Variants in SNX10 observed in about 807,000 individuals in gnomAD.
The protein encoded by SNX10 is sorting nexin-10.
Under a neutral mutation model 28.5 loss-of-function variants are expected in SNX10, and 25 were observed. That is an observed-to-expected ratio of 0.88 (90% CI 0.64 to 1.22). The LOEUF is 1.22. SNX10 is among the 50% of genes most tolerant of loss of function. The pLI, the probability that SNX10 is intolerant of heterozygous loss-of-function variation, is 0.00. For synonymous variants in SNX10, 62 were observed against 81.4 expected (o/e 0.76, Z 1.28); for missense variants, 223 against 242.6 (o/e 0.92, Z 0.54).
In SNX10 at chr7:26,372,975, T is replaced by A. The variant is rs1460961833; in HGVS notation, c.*403T>A. The stretch of plus-strand genomic sequence containing the variant: ...AGTGTTACCATAAACACGGTGTATA[T>A]GTTGTTAAACCCTATGAAGAGTAAC... On this transcript the variant is annotated 3_prime_UTR_variant, in exon 7 of 7. Coordinates refer to ENST00000338523, the MANE Select transcript of SNX10 (RefSeq NM_013322.3). 5.6e-6 allele frequency: 1 copy of A among 179,308 alleles called. No homozygotes were observed. Among genetic ancestry groups the A allele is most frequent in the South Asian group, 1.2e-4 (1 of 8,394 alleles). 11.1% of individuals were successfully genotyped at this position (179,308 alleles called of 1,614,324 possible). A position where few individuals can be genotyped will look rare whatever the true frequency, so the allele number is the denominator to read the frequency against.
intron 1 of SNX10, among the ~76,000 whole-genome samples, chr7:26,331,724 C>T (rs1419867483): frequency 6.6e-6 from 1 of 152,214 alleles, no homozygotes; most frequent in Non-Finnish European, 1.5e-5. Context: ...CAACTCTGTA[C>T]CTTTTGGCTG....
chr7:26,299,890 T>C (rs1562781345), intron 1 of SNX10, among the ~76,000 whole-genome samples: 1 of 151,996 alleles, frequency 6.6e-6, no homozygotes. Flanking sequence ...AGTGAGACCC[T>C]GTCTCTGTTT....
intron 3 of SNX10, among the ~76,000 whole-genome samples, chr7:26,362,236 T>C (rs1406680876): frequency 6.6e-6 from 1 of 152,218 alleles, no homozygotes; most frequent in Non-Finnish European, 1.5e-5. Context: ...ACACTAGAGT[T>C]GCATTCTGTG....
At chr7:26,309,512 C>G (rs66824314) in intron 1 of SNX10, among the ~76,000 whole-genome samples, 10,623 of 152,128 alleles carry the variant, frequency 0.07, 920 homozygotes, top group African/African-American at 0.2. Flanking sequence ...CTAACCAGGT[C>G]TGCCGAGTGA....
intron 1 of SNX10, among the ~76,000 whole-genome samples, chr7:26,321,497 G>C (rs911882218): frequency 6.6e-6 from 1 of 152,182 alleles, no homozygotes; most frequent in Non-Finnish European, 1.5e-5. Context: ...GAAGACTCCT[G>C]TTGGCTTTCT....
In SNX10 at chr7:26,342,091, A is replaced by T. The variant is rs1788207318; in HGVS notation, c.-23-4329A>T. On this transcript the variant is annotated intron_variant, in intron 1 of 6. Coordinates refer to ENST00000338523, the MANE Select transcript of SNX10 (RefSeq NM_013322.3). ...GCCCAGGCTGGAGTGCAGTGGCACG[A>T]TCTTGGCTCACTGCAACCTGCACCT... 2.1e-5 allele frequency among the ~76,000 whole-genome samples: 3 copies of T among 141,862 alleles called. No individual in the cohort carries two copies. The South Asian group carries it at 6.6e-4, about 31-fold the overall frequency. The allele number at this position is 141,862 out of a possible 152,430, so 93.1% of individuals were successfully genotyped here.
rs1787457774 is a variant in SNX10 at position 26,325,306 on chromosome 7, A to ATATATATATATATATATATATATATATAT, written c.-23-21114_-23-21113insTATATATATATATATATATATATATATAT. On this transcript the variant is annotated intron_variant, in intron 1 of 6. Transcript: ENST00000338523. ...AATTTTTTTCTACTGAAGTTTGCAA[A>ATATATATATATATATATATATATATATAT]ATATATATATATATATATATATTTG... Among the ~76,000 whole-genome samples the ATATATATATATATATATATATATATATAT allele has an allele frequency of 1.6e-3, 82 of 51,370 alleles. 7 individuals are homozygous for ATATATATATATATATATATATATATATAT. Among genetic ancestry groups the ATATATATATATATATATATATATATATAT allele is most frequent in the Middle Eastern group, 0.011 (1 of 90 alleles). 33.7% of individuals were successfully genotyped at this position (51,370 alleles called of 152,430 possible).
chr7:26,312,783 C>CA (rs950851451), intron 1 of SNX10, among the ~76,000 whole-genome samples: 3 of 150,940 alleles, frequency 2.0e-5, no homozygotes, highest in East Asian at 1.9e-4. Context: ...GACTCCGTCT[C>CA]AAAAAAAAGA....
chr7:26,372,672 A>T lies in SNX10; in HGVS notation c.*100A>T. The T allele has an allele frequency of 1.4e-6, 1 of 739,458 alleles. No individual in the cohort carries two copies. Among genetic ancestry groups the T allele is most frequent in the Non-Finnish European group, 2.4e-6 (1 of 416,686 alleles). The allele number at this position is 739,458 out of a possible 1,614,324, so 45.8% of individuals were successfully genotyped here. On this transcript the variant is annotated 3_prime_UTR_variant, in exon 7 of 7. Coordinates refer to ENST00000338523, the MANE Select transcript of SNX10 (RefSeq NM_013322.3). Reference sequence around the variant, plus strand: ...ACATTCTTACCTAAAGCTCACTGTCATGATGTTAGGTATTTAAATTCTTAA... The same window carrying T: ...ACATTCTTACCTAAAGCTCACTGTCTTGATGTTAGGTATTTAAATTCTTAA...
chr7:26,362,745 T>G (rs547638186), intron 3 of SNX10, among the ~76,000 whole-genome samples: 86 of 152,328 alleles, frequency 5.6e-4, no homozygotes, highest in African/African-American at 1.9e-3. Context: ...TTAACTTGTT[T>G]AAATTAACCT....
intron 2 of SNX10, among the ~76,000 whole-genome samples, chr7:26,357,917 C>A (rs747870408): frequency 3.3e-5 from 5 of 151,928 alleles, no homozygotes; most frequent in Non-Finnish European, 7.4e-5. Context: ...GGGAGAGGTG[C>A]CTGCACTGGG....
At position 26,364,500 on chromosome 7, in the gene SNX10, C is replaced by A; in HGVS notation, c.112-35C>A. ...GATACAAGAAATGCATTTTTTTCCT[C>A]AGGTAAGACTCATTTTTCTACTTTC... On this transcript the variant is annotated intron_variant, in intron 3 of 6. Coordinates refer to ENST00000338523, the MANE Select transcript of SNX10 (RefSeq NM_013322.3). The surrounding 1 kb of genome is among the most constrained non-coding windows in gnomAD (Gnocchi z 4.9). 1 of 1,561,924 alleles carries A rather than the reference C, an allele frequency of 6.4e-7. No individual in the cohort carries two copies. The highest frequency in any genetic ancestry group is 1.2e-5 in the South Asian group (1 of 83,750).
chr7:26,364,184 G>T lies in SNX10; in HGVS notation c.112-351G>T. 5.9e-6 allele frequency: 2 copies of T among 340,910 alleles called. No homozygotes were observed. The highest frequency in any genetic ancestry group is 8.4e-6 in the Non-Finnish European group (2 of 238,226). The allele number at this position is 340,910 out of a possible 1,614,324, so 21.1% of individuals were successfully genotyped here. A position where few individuals can be genotyped will look rare whatever the true frequency, so the allele number is the denominator to read the frequency against. On this transcript the variant is annotated intron_variant, in intron 3 of 6. Transcript: ENST00000338523. The surrounding 1 kb of genome is among the most constrained non-coding windows in gnomAD (Gnocchi z 4.9). ...ACGTGGATGGTGGTAAAATGCAACG[G>T]ATGAACCTGAGCTCCTACCTGTCAT...
At chr7:26,340,372 A>T (rs77259598) in intron 1 of SNX10, among the ~76,000 whole-genome samples, 5,341 of 152,272 alleles carry the variant, frequency 0.035, 125 homozygotes, top group East Asian at 0.099. Flanking sequence ...TGCACTGCAG[A>T]CTTGAGTAGG....
At chr7:26,352,090 C>T (rs1584156568) in intron 2 of SNX10, among the ~76,000 whole-genome samples, 1 of 150,852 alleles carries the variant, frequency 6.6e-6, no homozygotes, top group East Asian at 1.9e-4. Flanking sequence ...TAGGACCACT[C>T]TGTACTATCT....
chr7:26,298,417 C>A (rs913517897), intron 1 of SNX10, among the ~76,000 whole-genome samples: 9 of 152,106 alleles, frequency 5.9e-5, no homozygotes, highest in African/African-American at 2.2e-4. Context: ...ACCATGAAAC[C>A]TTTTTGCTTA....
At chr7:26,346,615 C>G in intron 2 of SNX10, 149 bp downstream of exon 2, 1 of 698,522 alleles carries the variant, frequency 1.4e-6, no homozygotes. Context: ...CTCCTCTACT[C>G]CCACCATTGG....
intron 1 of SNX10, among the ~76,000 whole-genome samples, chr7:26,298,812 A>G (rs958288781): frequency 6.6e-6 from 1 of 152,216 alleles, no homozygotes; most frequent in African/African-American, 2.4e-5. Context: ...TGGCTTGCAG[A>G]CAGCCGCCTT....
Position 26,364,751 on chromosome 7 carries a change from A to G in SNX10, c.212+116A>G. On this transcript the variant is annotated intron_variant, in intron 4 of 6. Transcript: ENST00000338523. This position sits in a 1 kb window ranked among gnomAD's most constrained non-coding sequence, Gnocchi z 4.9. ...TTTTATAGGCTTTTGCCTTGATTACAATATGTAGCTTTAGTTTCTTAGCTA... is the reference window on the plus strand; with the variant it reads ...TTTTATAGGCTTTTGCCTTGATTACGATATGTAGCTTTAGTTTCTTAGCTA... The G allele has an allele frequency of 2.7e-6, 2 of 731,344 alleles. No individual in the cohort carries two copies. Among genetic ancestry groups the G allele is most frequent in the Non-Finnish European group, 4.4e-6 (2 of 456,262 alleles). 45.3% of individuals were successfully genotyped at this position (731,344 alleles called of 1,614,324 possible).
Sources: gnomAD v4.1 joint callset for allele counts (sites outside exome capture counted in the v4.1 genomes callset) on GRCh38, gnomAD v4.1.1 for gene constraint, Gnocchi (gnomAD v3.1) non-coding constraint, MANE v1.5 for transcripts, NCBI Gene and HGNC (gene_info 2026-07-23, HGNC 2026-07-21) for gene names.